SYN1: variants seen among roughly 807,000 people sequenced by gnomAD.
The protein encoded by SYN1 is synapsin I, also known as synapsin-1.
A neutral mutation model predicts 44.6 loss-of-function variants in SYN1; 8 were observed. That is an observed-to-expected ratio of 0.18 (90% confidence interval 0.11 to 0.32). SYN1 has a LOEUF of 0.32. Among genes scored for constraint, SYN1 ranks in the 10% least tolerant of loss-of-function variants. SYN1 has a pLI of 1.00. For synonymous variants in SYN1, 275 were observed against 280.1 expected (o/e 0.98, Z 0.18); for missense variants, 451 against 639.4 (o/e 0.71, Z 3.18).
chrX:47,595,199 G>A (rs5953063), intron 5 of SYN1, among the ~76,000 whole-genome samples: 31,399 of 110,731 alleles, frequency 0.28, 3,401 homozygotes, highest in East Asian at 0.41. Context: ...CACATGCTTC[G>A]TCCTCTGCAT....
chrX:47,574,218 C>A lies in SYN1; in HGVS notation c.1766G>T (p.Gly589Val), dbSNP rs1190330185. ...TGGGCCTGGGGGTTTCTGGGGCGGGCCCTGGCGCTGCTGCCCGCCCGGTGG... is the reference window on the plus strand; with the variant it reads ...TGGGCCTGGGGGTTTCTGGGGCGGGACCTGGCGCTGCTGCCCGCCCGGTGG... ...GAPPGGQQRQ[G>V]PPQKPPGPAG... Residue 589 changes from glycine (G) to valine (V), a missense_variant, in exon 12 of 13, where the codon GGC (glycine) becomes GTC (valine). Transcript: ENST00000295987. The A allele has an allele frequency of 1.8e-6, 2 of 1,084,268 alleles. No homozygotes were observed. The highest frequency in any genetic ancestry group is 2.4e-6 in the Non-Finnish European group (2 of 839,631). The allele number at this position is 1,084,268 out of a possible 1,213,427, so 89.4% of individuals were successfully genotyped here. A position where few individuals can be genotyped will look rare whatever the true frequency, so the allele number is the denominator to read the frequency against.
chrX:47,580,494 G>A (rs1387128434), intron 5 of SYN1, among the ~76,000 whole-genome samples: 1 of 109,791 alleles, frequency 9.1e-6, no homozygotes, highest in African/African-American at 3.3e-5. Context: ...AGCCAGGCGT[G>A]GTGGCGTGTG....
At chrX:47,604,927 G>T in intron 5 of SYN1, 51 bp downstream of exon 5, 1 of 1,030,606 alleles carries the variant, frequency 9.7e-7, no homozygotes, top group Non-Finnish European at 1.4e-6. Flanking sequence ...TAATATTATT[G>T]CAGTAGTTAT....
chrX:47,576,481 T>C lies in SYN1; in HGVS notation c.980+17A>G. 3 of 1,212,042 alleles carry C rather than the reference T, an allele frequency of 2.5e-6. No homozygotes were observed. The highest frequency in any genetic ancestry group is 3.3e-6 in the Non-Finnish European group (3 of 895,572). On this transcript the variant is annotated intron_variant, in intron 7 of 12. Transcript: ENST00000295987. ...AAGGCAGGGGACCCCTTCCAGGGCT[T>C]TGGTCTCTCCACTCACATGTAGGCC... is the stretch of plus-strand genomic sequence containing the variant.
chrX:47,579,849 G>GCCCCCCCCCCCTCCCCCCCCCCCCC (rs140381513), intron 5 of SYN1, among the ~76,000 whole-genome samples: 1 of 83,168 alleles, frequency 1.2e-5, no homozygotes, highest in South Asian at 7.2e-4. Context: ...TGTTTTTGTC[G>GCCCCCCCCCCCTCCCCCCCCCCCCC]CCCCCCCACC....
At chrX:47,609,434 G>A in intron 1 of SYN1, among the ~76,000 whole-genome samples, 1 of 112,191 alleles carries the variant, frequency 8.9e-6, no homozygotes, top group East Asian at 2.8e-4. Flanking sequence ...AAGAGCAGCG[G>A]AGGCCCCTAA....
At chrX:47,618,799 A>G (rs1214978125) in intron 1 of SYN1, among the ~76,000 whole-genome samples, 5 of 111,820 alleles carry the variant, frequency 4.5e-5, no homozygotes, top group East Asian at 2.8e-4. Context: ...TTAAGGACGG[A>G]GCTGGGGTGG....
intron 1 of SYN1, among the ~76,000 whole-genome samples, chrX:47,611,304 T>C (rs1276695757): frequency 8.9e-6 from 1 of 111,880 alleles, no homozygotes; most frequent in African/African-American, 3.3e-5. Context: ...GGTGTTGGTC[T>C]CATCTTATCT....
At chrX:47,608,740 C>T (rs1305390920) in intron 1 of SYN1, among the ~76,000 whole-genome samples, 2 of 110,020 alleles carry the variant, frequency 1.8e-5, no homozygotes, top group Non-Finnish European at 3.8e-5. Flanking sequence ...CCTCCTCCCC[C>T]AGGCTCAAGA....
chrX:47,579,407 C>A (rs751224238), intron 5 of SYN1, among the ~76,000 whole-genome samples: 3 of 111,083 alleles, frequency 2.7e-5, no homozygotes, highest in African/African-American at 9.8e-5. Flanking sequence ...AGGACACAAC[C>A]TCTCCCTGAG....
chrX:47,590,781 G>C (rs1210754300), intron 5 of SYN1, among the ~76,000 whole-genome samples: 1 of 112,195 alleles, frequency 8.9e-6, no homozygotes, highest in Non-Finnish European at 1.9e-5. Context: ...TGTTCTTCCT[G>C]CCTCTTGCTC....
Position 47,619,592 on chromosome X carries a change from G to A in SYN1, c.137C>T (p.Pro46Leu). Residue 46 changes from proline (P) to leucine (L), a missense_variant, in exon 1 of 13, where the codon CCC becomes CTC. Pro to Leu is a moderately conservative substitution (Grantham distance 98, BLOSUM62 -3). This residue lies in a region of SYN1 where 315 missense variants were observed against 451.4 expected (regional missense o/e 0.70). Transcript: ENST00000295987. The part of the protein sequence containing the change: ...GAHSPGATPG[P>L]GTATAERSSG... Reference sequence around the variant, plus strand: ...GGACCTCTCGGCAGTGGCGGTCCCGGGACCGGGCGTGGCTCCGGGGCTGTG... The same window carrying A: ...GGACCTCTCGGCAGTGGCGGTCCCGAGACCGGGCGTGGCTCCGGGGCTGTG... The A allele has an allele frequency of 8.6e-7, 1 of 1,161,093 alleles. No homozygotes were observed. Among genetic ancestry groups the A allele is most frequent in the Non-Finnish European group, 1.2e-6 (1 of 869,371 alleles).
chrX:47,591,127 C>A (rs1277946974), intron 5 of SYN1, among the ~76,000 whole-genome samples: 3 of 112,162 alleles, frequency 2.7e-5, no homozygotes, highest in Non-Finnish European at 5.6e-5. Context: ...TCAAGCGATC[C>A]TCCCAGCTCA....
Position 47,574,042 on chromosome X carries a change from C to G in SYN1, c.1942G>C (p.Ala648Pro). The G allele has an allele frequency of 8.7e-7, 1 of 1,150,722 alleles. No individual in the cohort carries two copies. Among genetic ancestry groups the G allele is most frequent in the Non-Finnish European group, 1.2e-6 (1 of 869,225 alleles). 94.8% of individuals were successfully genotyped at this position (1,150,722 alleles called of 1,213,427 possible). ...GGAGGTCCCCCTGCAGCGGCGGTGGCGGGTGGCGGCACGTCCTGGCTGGGT... is the reference window on the plus strand; with the variant it reads ...GGAGGTCCCCCTGCAGCGGCGGTGGGGGGTGGCGGCACGTCCTGGCTGGGT... ...QKPSQDVPPPATAAAGGPPHP... is the reference protein window; with the variant it reads ...QKPSQDVPPPPTAAAGGPPHP... Residue 648 changes from alanine (A) to proline (P), a missense_variant, in exon 12 of 13, where the codon GCC becomes CCC. Around this residue, in one of 3 missense-constraint regions of SYN1, gnomAD observed 127 missense variants for 154.8 expected, o/e 0.82. Transcript: ENST00000295987.
At chrX:47,613,264 C>T (rs181117501) in intron 1 of SYN1, among the ~76,000 whole-genome samples, 28 of 111,070 alleles carry the variant, frequency 2.5e-4, no homozygotes, top group Admixed American at 1.1e-3. Context: ...TGAGTCAGCC[C>T]GATGATGTCA....
chrX:47,605,752 C>G (rs1411736401), intron 3 of SYN1, among the ~76,000 whole-genome samples: 1 of 111,168 alleles, frequency 9.0e-6, no homozygotes, highest in Non-Finnish European at 1.9e-5. Context: ...GCACTTCCCC[C>G]CTAGATATCT....
chrX:47,580,722 A>G lies in SYN1; in HGVS notation c.775-3221T>C, dbSNP rs769202356. 4.9e-4 allele frequency among the ~76,000 whole-genome samples: 54 copies of G among 110,668 alleles called. No homozygotes were observed. In the East Asian group the frequency reaches 0.014, roughly 29 times the overall value. On this transcript the variant is annotated intron_variant, in intron 5 of 12. Transcript: ENST00000295987. The stretch of plus-strand genomic sequence containing the variant: ...AGGTCGAGGCAGGTGGATCACCTGA[A>G]GTCAGGAGTTCGAGATCTGACCAAT...
chrX:47,586,471 C>A lies in SYN1; in HGVS notation c.775-8970G>T, dbSNP rs770242868. The stretch of plus-strand genomic sequence containing the variant: ...GCTGAGGAGAGGAAGTTCTGCTCCA[C>A]GGGGGAGGCAGGGAGAAGCCCTCAG... On this transcript the variant is annotated intron_variant, in intron 5 of 12. Transcript: ENST00000295987. 12 of 1,187,758 alleles carry A rather than the reference C, an allele frequency of 1.0e-5. 1 individual carries two copies. The East Asian group carries it at 3.6e-4, about 35-fold the overall frequency.
intron 1 of SYN1, among the ~76,000 whole-genome samples, chrX:47,612,859 G>A (rs775674238): frequency 8.9e-6 from 1 of 111,846 alleles, no homozygotes; most frequent in East Asian, 2.8e-4. Flanking sequence ...GAGACTGGGC[G>A]CGGTGGCTCA....
Sources: allele counts gnomAD v4.1 joint callset (sites outside exome capture counted in the v4.1 genomes callset), GRCh38; gene constraint gnomAD v4.1.1; regional missense constraint gnomAD v4.1.1; transcripts MANE v1.5; gene names NCBI Gene and HGNC (gene_info 2026-07-23, HGNC 2026-07-21).